LARP4: variants seen among roughly 807,000 people sequenced by gnomAD.
The protein encoded by LARP4 is La ribonucleoprotein 4.
LARP4 carries 29 observed loss-of-function variants against 92.9 expected under a neutral mutation model. The observed-to-expected ratio is 0.31, with a 90% confidence interval of 0.23 to 0.43. LARP4 has a LOEUF of 0.43. Among genes scored for constraint, LARP4 ranks in the 20% least tolerant of loss-of-function variants. LARP4 has a pLI of 1.00. For missense variants in LARP4, 732 were observed against 860.0 expected, an observed-to-expected ratio of 0.85 and a Z score of 1.86; for synonymous variants, 279 against 284.1, an observed-to-expected ratio of 0.98 and a Z score of 0.18.
In LARP4 at chr12:50,467,095, T is replaced by C; in HGVS notation, c.1520T>C (p.Val507Ala). 4 of 1,608,032 alleles carry C rather than the reference T, an allele frequency of 2.5e-6. No individual in the cohort carries two copies. The highest frequency in any genetic ancestry group is 3.4e-6 in the Non-Finnish European group (4 of 1,175,122). The change falls in exon 13 of 16, where the codon GTT becomes GCT. Residue 507 changes from valine to alanine, a missense_variant. Transcript: ENST00000398473. ...ELVLENRMSD[V>A]VKGVYKEKDN... ...GTTTTGGAGAATAGGATGTCTGATGTTGTTAAAGGTGTCTACAAAGAAAAG... is the reference window on the plus strand; with the variant it reads ...GTTTTGGAGAATAGGATGTCTGATGCTGTTAAAGGTGTCTACAAAGAAAAG...
rs138412169 is a variant in LARP4 at position 50,470,287 on chromosome 12, C to T, written c.1546-3128C>T. ...TTAAGTGCAGTATTTTTATTTTCTTCTCATCTTAAGGTCTGCTTCTATCCA... is the reference window on the plus strand; with the variant it reads ...TTAAGTGCAGTATTTTTATTTTCTTTTCATCTTAAGGTCTGCTTCTATCCA... On this transcript the variant is annotated intron_variant, in intron 13 of 15. Coordinates refer to ENST00000398473, the MANE Select transcript of LARP4 (RefSeq NM_052879.5). Among the ~76,000 whole-genome samples, 1,185 of 151,520 alleles carry T rather than the reference C, an allele frequency of 7.8e-3. 15 individuals carry two copies. Among genetic ancestry groups the T allele is most frequent in the African/African-American group, 0.026 (1,094 of 41,412 alleles).
rs774548049 is a variant in LARP4 at position 50,426,684 on chromosome 12, G to GGGGTGT, written c.19-1077_19-1076insGGTGTG. On this transcript the variant is annotated intron_variant, in intron 1 of 15. Coordinates refer to ENST00000398473, the MANE Select transcript of LARP4 (RefSeq NM_052879.5). ...GCATGGAACAGGGCATTATGTTTGG[G>GGGGTGT]GTGTGTGTGTGTGTGTGTGTGTGTG... Among the ~76,000 whole-genome samples the GGGGTGT allele has an allele frequency of 1.5e-3, 129 of 86,172 alleles. 1 individual carries two copies. The highest frequency in any genetic ancestry group is 4.6e-3 in the South Asian group (8 of 1,742). 56.5% of individuals were successfully genotyped at this position (86,172 alleles called of 152,430 possible).
In LARP4 at chr12:50,474,164, A is replaced by G. The variant is rs1196824902; in HGVS notation, c.1833A>G (p.Leu611=). The change falls in exon 15 of 16, where the codon CTA becomes CTG. Residue 611 remains leucine (L), a synonymous_variant. Coordinates refer to ENST00000398473, the MANE Select transcript of LARP4 (RefSeq NM_052879.5). ...NNINAATAVA[L]QEPRKLSYAE... The stretch of plus-strand genomic sequence containing the variant: ...TAAATGCAGCTACAGCTGTGGCTCT[A>G]CAGGTAACTTGAAGATTTTAGTTTA... 1.3e-6 allele frequency: 2 copies of G among 1,595,258 alleles called. No individual in the cohort carries two copies. Among genetic ancestry groups the G allele is most frequent in the South Asian group, 1.2e-5 (1 of 86,950 alleles).
intron 1 of LARP4, among the ~76,000 whole-genome samples, chr12:50,420,374 C>A (rs1191213193): frequency 6.6e-6 from 1 of 152,034 alleles, no homozygotes; most frequent in Admixed American, 6.6e-5. Flanking sequence ...GACAAGGTAG[C>A]ATATATTTTA....
intron 1 of LARP4, among the ~76,000 whole-genome samples, chr12:50,403,935 G>GGAAAC (rs59173556): frequency 0.98 from 149,210 of 152,216 alleles, 73,200 homozygotes; most frequent in East Asian, 1. Flanking sequence ...TTAGTGATAA[G>GGAAAC]TAAGGCAGCT....
In LARP4 at chr12:50,475,751, G is replaced by C. The variant is rs752631432; in HGVS notation, c.2062G>C (p.Ala688Pro). ...CCGAGGCAATATAATCCCCAGGGGA[G>C]CAGCAGGAAAAATCAGGGAACAGAG... ...GFRGNIIPRG[A>P]AGKIREQRRQ... Residue 688 changes from alanine (A) to proline (P), a missense_variant, in exon 16 of 16, where the codon GCA becomes CCA. By Grantham distance (27) the Ala-to-Pro change is conservative. Coordinates refer to ENST00000398473, the MANE Select transcript of LARP4 (RefSeq NM_052879.5). 9.9e-6 allele frequency: 16 copies of C among 1,614,142 alleles called. No homozygotes were observed. Among genetic ancestry groups the C allele is most frequent in the Non-Finnish European group, 1.4e-5 (16 of 1,180,030 alleles).
Position 50,479,622 on chromosome 12 carries a change from A to T in LARP4, c.*3758A>T, listed in dbSNP as rs1243635601. On this transcript the variant is annotated 3_prime_UTR_variant, in exon 16 of 16. Transcript: ENST00000398473. ...TATTTTTAAAAGCTGACAACTTTTT[A>T]TGAATCTTCGAGTTGACAGTTCCTA... 6.6e-6 allele frequency: 1 copy of T among 152,242 alleles called. No homozygotes were observed. Among genetic ancestry groups the T allele is most frequent in the Non-Finnish European group, 1.5e-5 (1 of 68,048 alleles). The allele number at this position is 152,242 out of a possible 1,614,324, so 9.4% of individuals were successfully genotyped here.
At chr12:50,405,053 G>A (rs1342167079) in intron 1 of LARP4, among the ~76,000 whole-genome samples, 1 of 150,078 alleles carries the variant, frequency 6.7e-6, no homozygotes, top group African/African-American at 2.4e-5. Flanking sequence ...ACCATGCCTG[G>A]CCTTTTTTTT....
chr12:50,462,566 TTTTTC>T lies in LARP4; in HGVS notation c.1335-13_1335-9del. 2.3e-6 allele frequency: 1 copy of T among 429,804 alleles called. No individual in the cohort carries two copies. Among genetic ancestry groups the T allele is most frequent in the Non-Finnish European group, 4.1e-6 (1 of 246,592 alleles). The allele number at this position is 429,804 out of a possible 1,614,324, so 26.6% of individuals were successfully genotyped here. On this transcript the variant is annotated splice_polypyrimidine_tract_variant and intron_variant, in intron 11 of 15. Coordinates refer to ENST00000398473, the MANE Select transcript of LARP4 (RefSeq NM_052879.5). ...CCCTCCACCCCACCCCACCCCCACC[TTTTTC>T]TTATTAAAAGGAGAACTCTCTTCAG...
intron 1 of LARP4, among the ~76,000 whole-genome samples, chr12:50,409,517 T>C (rs1239397254): frequency 6.6e-6 from 1 of 151,994 alleles, no homozygotes; most frequent in Non-Finnish European, 1.5e-5. Flanking sequence ...TCCCAGCACT[T>C]TGGGAGGCCA....
At chr12:50,434,298 C>T (rs759997956) in intron 4 of LARP4, among the ~76,000 whole-genome samples, 16 of 151,710 alleles carry the variant, frequency 1.1e-4, no homozygotes, top group Non-Finnish European at 2.4e-4. Flanking sequence ...TTGATTTTAC[C>T]TAAGTTTATT....
At chr12:50,450,736 GGT>G (rs1953042886) in intron 8 of LARP4, among the ~76,000 whole-genome samples, 1 of 152,020 alleles carries the variant, frequency 6.6e-6, no homozygotes, top group Admixed American at 6.6e-5. Context: ...CCTGACCTCA[GGT>G]GATCCACCTG....
intron 8 of LARP4, among the ~76,000 whole-genome samples, chr12:50,445,004 C>T (rs551212250): frequency 2.0e-5 from 3 of 151,716 alleles, no homozygotes; most frequent in South Asian, 2.1e-4. Flanking sequence ...CCTCTTGCCT[C>T]GCACCCACCC....
intron 1 of LARP4, among the ~76,000 whole-genome samples, chr12:50,417,126 T>C (rs1421212596): frequency 6.6e-6 from 1 of 151,540 alleles, no homozygotes; most frequent in Non-Finnish European, 1.5e-5. Flanking sequence ...AATTGATACT[T>C]ATGCCAGGTA....
chr12:50,448,814 T>C (rs1395525010), intron 8 of LARP4, among the ~76,000 whole-genome samples: 3 of 152,184 alleles, frequency 2.0e-5, no homozygotes, highest in African/African-American at 7.2e-5. Context: ...CGTGAGCCAC[T>C]GCACCCAGCC....
intron 7 of LARP4, 188 bp from the exon 8 acceptor site, chr12:50,441,402 A>G: frequency 2.4e-6 from 1 of 425,278 alleles, no homozygotes; most frequent in Non-Finnish European, 4.2e-6. Context: ...TGGCTTTTCT[A>G]CAATAAATAT....
At chr12:50,420,426 G>C (rs1345100535) in intron 1 of LARP4, among the ~76,000 whole-genome samples, 2 of 152,200 alleles carry the variant, frequency 1.3e-5, no homozygotes, top group Non-Finnish European at 2.9e-5. Context: ...TGTGGAGAGT[G>C]AATATTTTAA....
chr12:50,410,020 G>T (rs1349965547), intron 1 of LARP4, among the ~76,000 whole-genome samples: 3 of 151,110 alleles, frequency 2.0e-5, no homozygotes. Context: ...TCGAACTCCT[G>T]CTCTCAGGTG....
Position 50,435,578 on chromosome 12 carries a change from A to C in LARP4, c.489A>C (p.Ile163=). The change falls in exon 5 of 16, where the codon ATA becomes ATC. Residue 163 remains isoleucine (I), a synonymous_variant. Coordinates refer to ENST00000398473, the MANE Select transcript of LARP4 (RefSeq NM_052879.5). ...GGACAGTTGCCAACATGGAAGAAAT[A>C]AAAAAGTTGACTACAGACCCTGATC... is the stretch of plus-strand genomic sequence containing the variant. ...PIWTVANMEE[I]KKLTTDPDLI... 1 of 1,607,272 alleles carries C rather than the reference A, an allele frequency of 6.2e-7. No individual in the cohort carries two copies. The highest frequency in any genetic ancestry group is 8.5e-7 in the Non-Finnish European group (1 of 1,173,912).
Sources: allele counts gnomAD v4.1 joint callset (sites outside exome capture counted in the v4.1 genomes callset), GRCh38; gene constraint gnomAD v4.1.1; transcripts MANE v1.5; gene names NCBI Gene and HGNC (gene_info 2026-07-23, HGNC 2026-07-21).